The following RBFOX2 variants were observed in gnomAD, a reference collection of about 807,000 sequenced individuals.
RBFOX2 encodes the protein RNA binding fox-1 homolog 2.
Under a neutral mutation model 49.1 loss-of-function variants are expected in RBFOX2, and 10 were observed. The observed-to-expected ratio is 0.20, with a 90% CI of 0.13 to 0.35. The LOEUF is 0.35. RBFOX2 is among the 10% of genes least tolerant of loss of function. The pLI is 1.00. For missense variants in RBFOX2, 323 were observed against 486.9 expected, an observed-to-expected ratio of 0.66 and a Z score of 3.17; for synonymous variants, 183 against 187.4, an observed-to-expected ratio of 0.98 and a Z score of 0.19.
chr22:35,935,017 C>G (rs1416317730), intron 1 of RBFOX2, among the ~76,000 whole-genome samples: 3 of 152,132 alleles, frequency 2.0e-5, no homozygotes, highest in Non-Finnish European at 4.4e-5. Flanking sequence ...TCACCACAGC[C>G]TCAATCTCCC....
chr22:35,871,397 A>C (rs1464902998), intron 1 of RBFOX2, among the ~76,000 whole-genome samples: 6 of 152,240 alleles, frequency 3.9e-5, no homozygotes, highest in Admixed American at 1.3e-4. Context: ...TTCAGACTGC[A>C]TAACCTCAAT....
At chr22:35,864,665 A>G (rs571732775) in intron 1 of RBFOX2, among the ~76,000 whole-genome samples, 14 of 152,374 alleles carry the variant, frequency 9.2e-5, no homozygotes, top group Admixed American at 2.6e-4. Flanking sequence ...TGAAAGAAAC[A>G]GAGCACAAGG....
intron 1 of RBFOX2, among the ~76,000 whole-genome samples, chr22:35,834,117 G>A (rs1294174026): frequency 6.6e-6 from 1 of 152,138 alleles, no homozygotes; most frequent in Admixed American, 6.5e-5. Context: ...ATACCTACAA[G>A]GGGCATTAGA....
chr22:35,943,586 TTAAG>T (rs1297204458), upstream of RBFOX2, among the ~76,000 whole-genome samples: 1 of 152,094 alleles, frequency 6.6e-6, no homozygotes, highest in Non-Finnish European at 1.5e-5. Context: ...AGAAAAATCC[TTAAG>T]TAACTATCAA....
chr22:35,795,850 T>C (rs1948696307), intron 2 of RBFOX2, among the ~76,000 whole-genome samples: 1 of 152,126 alleles, frequency 6.6e-6, no homozygotes, highest in African/African-American at 2.4e-5. Context: ...GAATTCAAAG[T>C]CCTCTATAAT....
At chr22:36,023,573 A>G (rs867722444) in intron 1 of RBFOX2, among the ~76,000 whole-genome samples, 2 of 152,224 alleles carry the variant, frequency 1.3e-5, no homozygotes, top group Admixed American at 6.5e-5. Flanking sequence ...TACATTGTAT[A>G]GAGCGTAAAT....
Position 35,991,478 on chromosome 22 carries a change from A to C in RBFOX2, c.186+36762T>G, listed in dbSNP as rs560098315. 5.9e-5 allele frequency among the ~76,000 whole-genome samples: 9 copies of C among 152,360 alleles called. No homozygotes were observed. The East Asian group carries it at 1.7e-3, about 29-fold the overall frequency. On this transcript the variant is annotated intron_variant, in intron 1 of 13. Coordinates refer to the RBFOX2 transcript ENST00000438146. ...AAAAATTAGTCCAAAGAATTCCTTAACAGAAAATTGGAGGGAGGCAGGAGG... is the reference window on the plus strand; with the variant it reads ...AAAAATTAGTCCAAAGAATTCCTTACCAGAAAATTGGAGGGAGGCAGGAGG...
At chr22:35,968,858 C>T (rs2056714670) in intron 1 of RBFOX2, among the ~76,000 whole-genome samples, 1 of 152,114 alleles carries the variant, frequency 6.6e-6, no homozygotes, top group Admixed American at 6.5e-5. Flanking sequence ...CACAGTGATC[C>T]CAACTGAAGA....
At position 35,899,164 on chromosome 22, in the gene RBFOX2, TAACATAACATAACA is replaced by T. The variant is rs1156729054; in HGVS notation, c.-34+39669_-34+39682del. On this transcript the variant is annotated intron_variant, in intron 1 of 13. Coordinates refer to the RBFOX2 transcript ENST00000359369. Reference sequence around the variant, plus strand: ...TAACATAACATAACATAACATAACATAACATAACATAACAAACATAAAAAATAAAATAAAATAAA... The same window carrying T: ...TAACATAACATAACATAACATAACATAACATAAAAAATAAAATAAAATAAA... Among the ~76,000 whole-genome samples the T allele has an allele frequency of 3.8e-4, 57 of 150,712 alleles. 1 individual carries two copies. The highest frequency in any genetic ancestry group is 1.3e-3 in the South Asian group (6 of 4,740).
chr22:35,856,730 C>A (rs1399223286), intron 1 of RBFOX2, among the ~76,000 whole-genome samples: 2 of 151,808 alleles, frequency 1.3e-5, no homozygotes, highest in African/African-American at 4.8e-5. Context: ...CAAAATATGT[C>A]ATTAGAAATA....
intron 6 of RBFOX2, among the ~76,000 whole-genome samples, chr22:35,764,585 A>C (rs1435806108): frequency 8.6e-6 from 1 of 115,984 alleles, no homozygotes; most frequent in Non-Finnish European, 1.8e-5. Flanking sequence ...ACTCCGTCTC[A>C]AAAAAAAAAA....
chr22:36,016,551 A>ATC (rs2059043118), intron 1 of RBFOX2, among the ~76,000 whole-genome samples: 1 of 152,196 alleles, frequency 6.6e-6, no homozygotes, highest in South Asian at 2.1e-4. Flanking sequence ...CCAGTGCAAA[A>ATC]TCTCTCTTCT....
upstream of RBFOX2, among the ~76,000 whole-genome samples, chr22:35,963,983 C>T (rs970584079): frequency 6.6e-6 from 1 of 152,144 alleles, no homozygotes; most frequent in Non-Finnish European, 1.5e-5. Flanking sequence ...TGACCTCAGT[C>T]GATTTCCACA....
intron 1 of RBFOX2, among the ~76,000 whole-genome samples, chr22:35,861,661 A>C (rs2043109907): frequency 6.6e-6 from 1 of 152,228 alleles, no homozygotes; most frequent in African/African-American, 2.4e-5. Context: ...CTATGGAGGA[A>C]CCGAAAGTCT....
rs115842425 is a variant in RBFOX2, at chr22:35,868,475, C to T, written c.-33-58471G>A. On this transcript the variant is annotated intron_variant, in intron 1 of 13. Transcript: ENST00000359369. ...TTTTTAAAATAAGATAATAGGCAGG[C>T]GTGGTGGCTGACACCTGTAATCCTA... Among the ~76,000 whole-genome samples the T allele has an allele frequency of 7.4e-3, 1,130 of 152,082 alleles. 10 individuals carry two copies. The highest frequency in any genetic ancestry group is 0.026 in the African/African-American group (1,073 of 41,476).
intron 1 of RBFOX2, among the ~76,000 whole-genome samples, chr22:35,838,692 C>T (rs1292227397): frequency 1.3e-5 from 2 of 152,080 alleles, no homozygotes; most frequent in Admixed American, 6.6e-5. Flanking sequence ...GCGCTAAGGC[C>T]GAGAGCATAA....
At chr22:35,920,754 AC>A (rs1423463940) in intron 1 of RBFOX2, among the ~76,000 whole-genome samples, 1 of 152,246 alleles carries the variant, frequency 6.6e-6, no homozygotes, top group Non-Finnish European at 1.5e-5. Flanking sequence ...GATGCAGCAG[AC>A]ATAGCTAATG....
At chr22:35,884,239 C>G (rs561646851) in intron 1 of RBFOX2, among the ~76,000 whole-genome samples, 1 of 152,036 alleles carries the variant, frequency 6.6e-6, no homozygotes, top group Admixed American at 6.5e-5. Context: ...TCAAGCGATC[C>G]GCCTGCCTCG....
At chr22:35,915,616 A>G (rs1352885532) in intron 1 of RBFOX2, among the ~76,000 whole-genome samples, 1 of 152,166 alleles carries the variant, frequency 6.6e-6, no homozygotes, top group Non-Finnish European at 1.5e-5. Flanking sequence ...TAAAGTCCCA[A>G]TTATGTAAAC....
Sources: gnomAD v4.1 joint callset for allele counts (sites outside exome capture counted in the v4.1 genomes callset) on GRCh38, gnomAD v4.1.1 for gene constraint, MANE v1.5 for transcripts, NCBI Gene and HGNC (gene_info 2026-07-23, HGNC 2026-07-21) for gene names.